The following PPP2R5C variants were observed in gnomAD, a reference collection of about 807,000 sequenced individuals.
PPP2R5C encodes protein phosphatase 2 regulatory subunit B'gamma.
PPP2R5C carries 7 observed loss-of-function variants against 68.9 expected under a neutral mutation model. The ratio of observed to expected loss-of-function variants is 0.10; its 90% CI spans 0.06 to 0.19. The LOEUF is 0.19. Ranked by LOEUF, PPP2R5C falls within the 10% of genes least tolerant of loss-of-function variation. The pLI, the probability that PPP2R5C is intolerant of heterozygous loss-of-function variation, is 1.00. For synonymous variants in PPP2R5C, 210 were observed against 222.2 expected (o/e 0.95, Z 0.49); for missense variants, 348 against 641.3 (o/e 0.54, Z 4.94).
Position 101,877,217 on chromosome 14 carries a change from G to A in PPP2R5C, c.295-4944G>A, listed in dbSNP as rs2043839809. On this transcript the variant is annotated intron_variant, in intron 2 of 13. Coordinates refer to ENST00000334743, the Ensembl canonical transcript of PPP2R5C. This position sits in a 1 kb window ranked among gnomAD's most constrained non-coding sequence, Gnocchi z 4.2. ...ACCCGCCTCGGCCTCCCAAAGTGCT[G>A]GGATTACAGGCATGAGTCACCGCGC... Among the ~76,000 whole-genome samples the A allele has an allele frequency of 6.6e-6, 1 of 152,100 alleles. No homozygotes were observed. Among genetic ancestry groups the A allele is most frequent in the East Asian group, 1.9e-4 (1 of 5,192 alleles).
chr14:101,845,183 G>C (rs961338402), intron 1 of PPP2R5C, among the ~76,000 whole-genome samples: 8 of 151,958 alleles, frequency 5.3e-5, no homozygotes, highest in African/African-American at 1.9e-4. Context: ...TAACACCGTT[G>C]AATTCCTCTT....
At chr14:101,908,105 G>A (rs1435215719) in intron 10 of PPP2R5C, among the ~76,000 whole-genome samples, 1 of 152,168 alleles carries the variant, frequency 6.6e-6, no homozygotes, top group East Asian at 1.9e-4. Flanking sequence ...GTTTCTCTTT[G>A]GAAAAACTGA....
At position 101,876,886 on chromosome 14, in the gene PPP2R5C, G is replaced by A. The variant is rs184908098; in HGVS notation, c.295-5275G>A. On this transcript the variant is annotated intron_variant, in intron 2 of 13. Transcript: ENST00000334743. ...CCATTTAGTAAGTGCTGTTGCATGT[G>A]TTTTCTGTGATTCTCACCACAGCCC... is the stretch of plus-strand genomic sequence containing the variant. Among the ~76,000 whole-genome samples the A allele has an allele frequency of 2.5e-4, 36 of 142,324 alleles. No individual in the cohort carries two copies. In the East Asian group the frequency reaches 7.0e-3, roughly 28 times the overall value. 93.4% of individuals were successfully genotyped at this position (142,324 alleles called of 152,430 possible).
chr14:101,873,935 A>G (rs1177840317), intron 2 of PPP2R5C, among the ~76,000 whole-genome samples: 2 of 152,062 alleles, frequency 1.3e-5, no homozygotes, highest in African/African-American at 4.8e-5. Flanking sequence ...CCGTAATTTT[A>G]TATATTTTTG....
chr14:101,889,888 T>A (rs1433679430), intron 5 of PPP2R5C: 1 of 449,594 alleles, frequency 2.2e-6, no homozygotes, highest in Non-Finnish European at 4.4e-6. Flanking sequence ...GATGAACAGA[T>A]GTGCGTGTGA....
At chr14:101,793,928 C>T (rs1266518118) in intron 3 of PPP2R5C, among the ~76,000 whole-genome samples, 2 of 152,182 alleles carry the variant, frequency 1.3e-5, no homozygotes, top group Non-Finnish European at 2.9e-5. Context: ...ATCAAGTTGT[C>T]CCTCTGAAGT....
intron 3 of PPP2R5C, among the ~76,000 whole-genome samples, chr14:101,804,181 C>T (rs1404749866): frequency 1.3e-5 from 2 of 152,186 alleles, no homozygotes; most frequent in Non-Finnish European, 2.9e-5. Context: ...GATACCATCT[C>T]ATACCAGTTA....
rs2037093310 is a variant in PPP2R5C at position 101,770,594 on chromosome 14, T to C, written c.93+7624T>C. On this transcript the variant is annotated intron_variant, in intron 2 of 14. Coordinates refer to the PPP2R5C transcript ENST00000328724. ...GAGTTCCAGAAAGCACATTGGACCC[T>C]AGGGTGTGTATCATGGTTAAAGCCA... Among the ~76,000 whole-genome samples, 5 of 152,208 alleles carry C rather than the reference T, an allele frequency of 3.3e-5. No homozygotes were observed. The South Asian group carries it at 1.0e-3, about 31-fold the overall frequency.
intron 3 of PPP2R5C, among the ~76,000 whole-genome samples, chr14:101,800,075 C>T (rs1595193880): frequency 6.6e-6 from 1 of 150,876 alleles, no homozygotes; most frequent in East Asian, 2.0e-4. Flanking sequence ...CCTGGACAAC[C>T]TTGTCCCTAC....
At chr14:101,858,464 C>G (rs2042560065) in intron 2 of PPP2R5C, among the ~76,000 whole-genome samples, 1 of 151,204 alleles carries the variant, frequency 6.6e-6, no homozygotes, top group Non-Finnish European at 1.5e-5. Context: ...TTTATCATTT[C>G]TTTGTGTTAG....
chr14:101,811,083 A>G (rs2039331454), intron 1 of PPP2R5C, among the ~76,000 whole-genome samples: 1 of 152,216 alleles, frequency 6.6e-6, no homozygotes, highest in African/African-American at 2.4e-5. Context: ...GACTTTTCAG[A>G]TCCTAGGGTG....
At chr14:101,792,623 T>C (rs1202188065) in intron 3 of PPP2R5C, among the ~76,000 whole-genome samples, 1 of 152,244 alleles carries the variant, frequency 6.6e-6, no homozygotes, top group Non-Finnish European at 1.5e-5. Flanking sequence ...TCTCTTTGTT[T>C]TAATATCATT....
chr14:101,806,378 T>C (rs553983858), upstream of PPP2R5C, among the ~76,000 whole-genome samples: 125 of 152,228 alleles, frequency 8.2e-4, no homozygotes, highest in African/African-American at 2.8e-3. Context: ...TCTGTTCCTG[T>C]GTTACTTTGC....
chr14:101,808,459 G>A (rs1172561376), upstream of PPP2R5C, among the ~76,000 whole-genome samples: 1 of 152,014 alleles, frequency 6.6e-6, no homozygotes, highest in East Asian at 1.9e-4. Context: ...GGAAGGGTGG[G>A]ATTTGGTTTG....
At chr14:101,872,624 G>A (rs1285302382) in intron 2 of PPP2R5C, among the ~76,000 whole-genome samples, 2 of 152,202 alleles carry the variant, frequency 1.3e-5, no homozygotes, top group South Asian at 4.1e-4. Context: ...TGTCTTGCTT[G>A]CATTATTTCT....
chr14:101,884,790 C>A (rs1231248854), intron 5 of PPP2R5C, among the ~76,000 whole-genome samples: 3 of 152,256 alleles, frequency 2.0e-5, no homozygotes, highest in Non-Finnish European at 4.4e-5. Context: ...CACTGGGAGG[C>A]TCTGCCTGAC....
intron 2 of PPP2R5C, among the ~76,000 whole-genome samples, chr14:101,871,121 A>C (rs1377269504): frequency 6.6e-6 from 1 of 151,960 alleles, no homozygotes; most frequent in South Asian, 2.1e-4. Context: ...TTGGCATGGT[A>C]TGTCTTTTTC....
chr14:101,870,062 TTTTTGAG>T (rs1566924927), intron 2 of PPP2R5C, among the ~76,000 whole-genome samples: 23 of 142,940 alleles, frequency 1.6e-4, no homozygotes, highest in African/African-American at 5.7e-4. Context: ...TTTTTTTTTT[TTTTTGAG>T]TTTTGAGTTT....
chr14:101,769,684 G>A (rs1566822259), intron 2 of PPP2R5C, among the ~76,000 whole-genome samples: 1 of 151,882 alleles, frequency 6.6e-6, no homozygotes, highest in African/African-American at 2.4e-5. Context: ...GAGTATTTTG[G>A]TTTTTTTCTT....
Sources: gnomAD v4.1 joint callset for allele counts (sites outside exome capture counted in the v4.1 genomes callset) on GRCh38, gnomAD v4.1.1 for gene constraint, Gnocchi (gnomAD v3.1) non-coding constraint, MANE v1.5 for transcripts, NCBI Gene and HGNC (gene_info 2026-07-23, HGNC 2026-07-21) for gene names.